Variants in ZNF695 observed in about 807,000 individuals in gnomAD.
The protein encoded by ZNF695 is zinc finger protein 695.
A neutral mutation model predicts 11.2 loss-of-function variants in ZNF695; 11 were observed. The observed-to-expected ratio is 0.98, with a 90% CI of 0.62 to 1.62. ZNF695 has a LOEUF of 1.62. Among genes scored for constraint, ZNF695 ranks in the 40% most tolerant of loss-of-function variants. The pLI is 0.00. For synonymous variants in ZNF695, 190 were observed against 201.4 expected, an observed-to-expected ratio of 0.94 and a Z score of 0.48; for missense variants, 559 against 590.5, an observed-to-expected ratio of 0.95 and a Z score of 0.55.
chr1:246,958,531 C>T (rs1668067246), intron 5 of ZNF695, among the ~76,000 whole-genome samples: 1 of 152,146 alleles, frequency 6.6e-6, no homozygotes, highest in Non-Finnish European at 1.5e-5. Context: ...AGGCCACAGA[C>T]AGGTCTAGTG....
At chr1:247,005,286 T>C (rs1357840077) in intron 1 of ZNF695, among the ~76,000 whole-genome samples, 1 of 152,144 alleles carries the variant, frequency 6.6e-6, no homozygotes, top group Non-Finnish European at 1.5e-5. Flanking sequence ...AATCCATACA[T>C]CTACAGCAAA....
chr1:246,986,602 C>T lies in ZNF695; in HGVS notation c.*365G>A. On this transcript the variant is annotated 3_prime_UTR_variant, in exon 4 of 4. Coordinates refer to ENST00000339986, the MANE Select transcript of ZNF695 (RefSeq NM_020394.5). ...TGTAAAACAGTTTTTAGTGTGAACA[C>T]TCTGGTGTTTTCTGAGGTATATTTT... is the stretch of plus-strand genomic sequence containing the variant. 7 of 1,012,006 alleles carry T rather than the reference C, an allele frequency of 6.9e-6. No individual in the cohort carries two copies. The highest frequency in any genetic ancestry group is 8.3e-6 in the Non-Finnish European group (7 of 847,332). 62.7% of individuals were successfully genotyped at this position (1,012,006 alleles called of 1,614,324 possible).
intron 5 of ZNF695, among the ~76,000 whole-genome samples, chr1:246,959,310 AATATAT>A (rs1158852538): frequency 0.011 from 582 of 51,062 alleles, 14 homozygotes; most frequent in African/African-American, 0.024. Flanking sequence ...AAAAAAAAAA[AATATAT>A]ATATATATAT....
intron 1 of ZNF695, among the ~76,000 whole-genome samples, chr1:247,007,483 A>C (rs1669573102): frequency 1.6e-5 from 2 of 123,836 alleles, no homozygotes; most frequent in Admixed American, 9.7e-5. Context: ...CGACAGGGCG[A>C]GACTCCGTCT....
At chr1:246,993,307 T>C (rs1332144604) in intron 3 of ZNF695, among the ~76,000 whole-genome samples, 1 of 152,066 alleles carries the variant, frequency 6.6e-6, no homozygotes, top group Non-Finnish European at 1.5e-5. Context: ...CTTGGGAGGC[T>C]AAGGCAGGAG....
intron 5 of ZNF695, among the ~76,000 whole-genome samples, chr1:246,952,557 T>G (rs1278424378): frequency 6.6e-6 from 1 of 151,438 alleles, no homozygotes; most frequent in Non-Finnish European, 1.5e-5. Flanking sequence ...TTCTTTTTTT[T>G]TTTTTTTGAG....
intron 5 of ZNF695, among the ~76,000 whole-genome samples, chr1:246,956,316 A>G (rs1312780934): frequency 2.0e-5 from 3 of 151,538 alleles, no homozygotes; most frequent in African/African-American, 7.3e-5. Flanking sequence ...AAAAAAATCT[A>G]TAAAAGATGG....
chr1:247,006,139 C>G (rs934993576), intron 1 of ZNF695, among the ~76,000 whole-genome samples: 1 of 151,296 alleles, frequency 6.6e-6, no homozygotes, highest in Non-Finnish European at 1.5e-5. Context: ...ACAGGAGTAT[C>G]GCTTGAACCC....
At chr1:246,954,032 C>T (rs1317987111) in intron 5 of ZNF695, among the ~76,000 whole-genome samples, 2 of 132,096 alleles carry the variant, frequency 1.5e-5, no homozygotes, top group Non-Finnish European at 3.3e-5. Context: ...TAAGACTCAA[C>T]AGTGCCCTAG....
intron 1 of ZNF695, among the ~76,000 whole-genome samples, chr1:247,006,334 C>T (rs1002228465): frequency 4.7e-5 from 7 of 148,064 alleles, no homozygotes; most frequent in Non-Finnish European, 7.5e-5. Context: ...ACAAATAAGC[C>T]GGGCGCGGTG....
At chr1:246,965,662 G>T (rs537726367) in intron 5 of ZNF695, among the ~76,000 whole-genome samples, 73 of 152,098 alleles carry the variant, frequency 4.8e-4, no homozygotes, top group East Asian at 9.7e-4. Flanking sequence ...GCTTGAACCC[G>T]GGAGGTGGAG....
chr1:246,951,450 G>A (rs893209308), intron 5 of ZNF695, among the ~76,000 whole-genome samples: 1 of 152,204 alleles, frequency 6.6e-6, no homozygotes, highest in Admixed American at 6.5e-5. Context: ...GAAGCTGGGC[G>A]AGGCAAGGAA....
At chr1:246,955,766 T>C (rs1667979207) in intron 5 of ZNF695, among the ~76,000 whole-genome samples, 1 of 152,158 alleles carries the variant, frequency 6.6e-6, no homozygotes, top group Non-Finnish European at 1.5e-5. Context: ...GAATGTAGGC[T>C]CCTAAGAGTA....
At chr1:246,948,850 C>T (rs918191016) in intron 5 of ZNF695, among the ~76,000 whole-genome samples, 1 of 152,168 alleles carries the variant, frequency 6.6e-6, no homozygotes, top group Non-Finnish European at 1.5e-5. Flanking sequence ...TAAGCCTTGC[C>T]TCTCCCTAAG....
chr1:246,955,697 C>A (rs79017159), intron 5 of ZNF695, among the ~76,000 whole-genome samples: 2,471 of 152,224 alleles, frequency 0.016, 34 homozygotes, highest in African/African-American at 0.038. Flanking sequence ...ATGATAACGC[C>A]CTATATTTAC....
At chr1:246,968,452 T>C (rs1305545816) in intron 4 of ZNF695, 2 of 152,494 alleles carry the variant, frequency 1.3e-5, no homozygotes, top group African/African-American at 4.8e-5. Flanking sequence ...CACAGGCTGG[T>C]GTTGAGTGCC....
chr1:246,951,588 A>G (rs1667870643), intron 5 of ZNF695, among the ~76,000 whole-genome samples: 1 of 152,220 alleles, frequency 6.6e-6, no homozygotes, highest in Admixed American at 6.5e-5. Flanking sequence ...GTGTTTTGTT[A>G]TAGCAGCCTT....
chr1:246,981,247 G>A (rs1043088040), downstream of ZNF695, among the ~76,000 whole-genome samples: 6 of 152,070 alleles, frequency 3.9e-5, no homozygotes, highest in African/African-American at 1.2e-4. Context: ...CGAAAGTGTG[G>A]GGAAAGAAAA....
chr1:247,007,937 T>C lies in ZNF695; in HGVS notation c.-29A>G. The C allele has an allele frequency of 1.3e-6, 2 of 1,501,470 alleles. No individual in the cohort carries two copies. The highest frequency in any genetic ancestry group is 1.8e-6 in the Non-Finnish European group (2 of 1,115,832). 93.0% of individuals were successfully genotyped at this position (1,501,470 alleles called of 1,614,324 possible). ...CCAGCTTTTGGGGGTCCCAGCGTCC[T>C]CCCTATAAATCTCGCAATACCTGCA... On this transcript the variant is annotated 5_prime_UTR_variant, in exon 1 of 4. Transcript: ENST00000339986.
Sources: allele counts gnomAD v4.1 joint callset (sites outside exome capture counted in the v4.1 genomes callset), GRCh38; gene constraint gnomAD v4.1.1; transcripts MANE v1.5; gene names NCBI Gene and HGNC (gene_info 2026-07-23, HGNC 2026-07-21).